The following ACCSL variants were observed in gnomAD, a reference collection of about 807,000 sequenced individuals.
ACCSL encodes 1-aminocyclopropane-1-carboxylate synthase homolog (inactive) like, also known as probable inactive 1-aminocyclopropane-1-carboxylate synthase-like protein 2.
Under a neutral mutation model 61.7 loss-of-function variants are expected in ACCSL, and 55 were observed. The ratio of observed to expected loss-of-function variants is 0.89; its 90% CI spans 0.72 to 1.12. ACCSL has a LOEUF of 1.12. Among genes scored for constraint, ACCSL ranks in the 50% most tolerant of loss-of-function variants. ACCSL has a pLI of 0.00. For missense variants in ACCSL, 632 were observed against 698.0 expected, an observed-to-expected ratio of 0.91 and a Z score of 1.07; for synonymous variants, 258 against 264.3, an observed-to-expected ratio of 0.98 and a Z score of 0.23.
chr11:43,922,687 A>C, the ACCSL span, among the ~76,000 whole-genome samples: 1 of 152,190 alleles, frequency 6.6e-6, no homozygotes, highest in African/African-American at 2.4e-5. Flanking sequence ...ATCCACCTTC[A>C]GAGATATGAA....
the ACCSL span, among the ~76,000 whole-genome samples, chr11:44,001,579 G>A: frequency 1.3e-5 from 2 of 151,986 alleles, no homozygotes; most frequent in Non-Finnish European, 2.9e-5. Flanking sequence ...TGGCCTCGGC[G>A]TGTCCATCTG....
the ACCSL span, among the ~76,000 whole-genome samples, chr11:43,972,620 A>C: frequency 6.6e-6 from 1 of 152,188 alleles, no homozygotes; most frequent in Non-Finnish European, 1.5e-5. Flanking sequence ...CCTGCCTGTA[A>C]TAGTATGGTG....
the ACCSL span, among the ~76,000 whole-genome samples, chr11:43,959,941 C>T: frequency 1.3e-5 from 2 of 152,190 alleles, no homozygotes; most frequent in African/African-American, 4.8e-5. Flanking sequence ...TGAGCCCCAA[C>T]CCACAGGAGG....
At chr11:44,023,041 C>CTTTTTTTTTTT in the ACCSL span, among the ~76,000 whole-genome samples, 3 of 86,452 alleles carry the variant, frequency 3.5e-5, 1 homozygote, top group Non-Finnish European at 2.2e-5. Flanking sequence ...TCTTCTTCTT[C>CTTTTTTTTTTT]TTTTTTTTTT....
chr11:44,050,686 G>A (rs905055128), intron 3 of ACCSL, 64 bp downstream of exon 3: 3 of 1,500,990 alleles, frequency 2.0e-6, no homozygotes, highest in Middle Eastern at 1.9e-4. Context: ...CCAGAAGGAG[G>A]ATTCAAGGCA....
At chr11:43,944,086 A>T in the ACCSL span, 5 of 352,496 alleles carry the variant, frequency 1.4e-5, no homozygotes, top group Non-Finnish European at 2.8e-5. Context: ...CCCCCGGTCC[A>T]GTGTGCTCCT....
At chr11:43,994,014 G>A in the ACCSL span, among the ~76,000 whole-genome samples, 2 of 152,182 alleles carry the variant, frequency 1.3e-5, no homozygotes, top group Non-Finnish European at 2.9e-5. Flanking sequence ...CATCAGGTTT[G>A]CAGCGGGCAG....
chr11:44,010,075 T>C, the ACCSL span, among the ~76,000 whole-genome samples: 2 of 152,230 alleles, frequency 1.3e-5, no homozygotes, highest in East Asian at 3.9e-4. Flanking sequence ...GTGCAATGGC[T>C]CATGCCTGTA....
the ACCSL span, among the ~76,000 whole-genome samples, chr11:43,938,473 A>T: frequency 6.6e-6 from 1 of 152,196 alleles, no homozygotes. Context: ...CAGAGTTATG[A>T]AGTCTATCTT....
chr11:43,988,877 C>T, the ACCSL span, among the ~76,000 whole-genome samples: 2 of 141,520 alleles, frequency 1.4e-5, no homozygotes, highest in Admixed American at 7.3e-5. Context: ...CTCAAGCAAT[C>T]CTCTCTCCTC....
chr11:43,943,357 C>T, the ACCSL span: 1 of 1,392,928 alleles, frequency 7.2e-7, no homozygotes. The surrounding 1 kb of genome is among the most constrained non-coding windows in gnomAD (Gnocchi z 4.8). Flanking sequence ...CCGCGCCCTG[C>T]TCCCGGGGGA....
chr11:43,976,440 C>T, the ACCSL span, among the ~76,000 whole-genome samples: 595 of 152,180 alleles, frequency 3.9e-3, 2 homozygotes, highest in African/African-American at 0.014. Context: ...ATATTTAAAT[C>T]CTGAAAGAGT....
chr11:44,048,188 A>G lies in ACCSL; in HGVS notation c.152A>G (p.Gln51Arg). 6.2e-7 allele frequency: 1 copy of G among 1,614,170 alleles called. No homozygotes were observed. Residue 51 changes from glutamine (Q) to arginine (R), a missense_variant, in exon 1 of 14, where the codon CAG becomes CGG. Coordinates refer to ENST00000378832, the MANE Select transcript of ACCSL (RefSeq NM_001031854.2). ...CACTTCGTGCAGCTGACGAGCAGAC[A>G]GGGCCTGTCGCTGGAGGAAAGGAGG... ...TEHFVQLTSRQGLSLEERRHT... is the reference protein window; with the variant it reads ...TEHFVQLTSRRGLSLEERRHT...
chr11:43,962,316 T>A, the ACCSL span, among the ~76,000 whole-genome samples: 1,231 of 152,360 alleles, frequency 8.1e-3, 15 homozygotes, highest in African/African-American at 0.028. Flanking sequence ...GGAGATCTTG[T>A]ACCTTCCAAG....
At chr11:43,994,555 A>T in the ACCSL span, among the ~76,000 whole-genome samples, 1 of 151,696 alleles carries the variant, frequency 6.6e-6, no homozygotes, top group Non-Finnish European at 1.5e-5. Context: ...GTGCATTTTG[A>T]TTTAGTGGGT....
chr11:44,040,346 C>CA, the ACCSL span, among the ~76,000 whole-genome samples: 1 of 152,176 alleles, frequency 6.6e-6, no homozygotes. Context: ...ATTAGTTCTC[C>CA]AGGTGATGCC....
the ACCSL span, chr11:43,943,075 G>T: frequency 1.3e-6 from 2 of 1,503,148 alleles, no homozygotes; most frequent in African/African-American, 1.4e-5. The surrounding 1 kb of genome is among the most constrained non-coding windows in gnomAD (Gnocchi z 4.8). Context: ...AGACGCAGCC[G>T]GTGACCTTCG....
At chr11:43,935,345 G>C in the ACCSL span, among the ~76,000 whole-genome samples, 2 of 152,172 alleles carry the variant, frequency 1.3e-5, no homozygotes, top group Non-Finnish European at 2.9e-5. Context: ...CAGGCTTCTG[G>C]ATTCCAGGCC....
chr11:44,043,560 C>T (rs143629380), upstream of ACCSL, among the ~76,000 whole-genome samples: 140 of 151,974 alleles, frequency 9.2e-4, 2 homozygotes, highest in African/African-American at 3.2e-3. Flanking sequence ...TTTCCTTATC[C>T]CAGTTAGCAT....
Sources: allele counts gnomAD v4.1 joint callset (sites outside exome capture counted in the v4.1 genomes callset), GRCh38; gene constraint gnomAD v4.1.1; non-coding constraint Gnocchi (gnomAD v3.1); transcripts MANE v1.5; gene names NCBI Gene and HGNC (gene_info 2026-07-23, HGNC 2026-07-21).